The following IQCE variants were observed in gnomAD, a reference collection of about 807,000 sequenced individuals.
IQCE encodes IQ domain-containing protein E.
Under a neutral mutation model 96.0 loss-of-function variants are expected in IQCE, and 115 were observed. The observed-to-expected ratio is 1.20, with a 90% CI of 1.03 to 1.40. IQCE has a LOEUF of 1.40. Among genes scored for constraint, IQCE ranks in the 40% most tolerant of loss-of-function variants. IQCE has a pLI of 0.00. For missense variants in IQCE, 1,041 were observed against 909.1 expected, an observed-to-expected ratio of 1.15 and a Z score of -1.87; for synonymous variants, 412 against 371.2, an observed-to-expected ratio of 1.11 and a Z score of -1.26.
At chr7:2,559,964 G>C (rs1780817372) in intron 1 of IQCE, among the ~76,000 whole-genome samples, 1 of 152,042 alleles carries the variant, frequency 6.6e-6, no homozygotes, top group Admixed American at 6.6e-5. Flanking sequence ...TTCCAGACCA[G>C]CCTGGGCAAC....
At chr7:2,598,756 T>A in intron 17 of IQCE, 124 bp downstream of exon 17, 1 of 809,452 alleles carries the variant, frequency 1.2e-6, no homozygotes, top group Non-Finnish European at 1.7e-6. Flanking sequence ...CTGAGCACCG[T>A]AACATACAGA....
chr7:2,591,929 G>A (rs1006884314), intron 14 of IQCE, among the ~76,000 whole-genome samples: 2 of 139,476 alleles, frequency 1.4e-5, no homozygotes, highest in Non-Finnish European at 1.6e-5. Flanking sequence ...GGCCTGCCTC[G>A]GCCTCCCAAA....
chr7:2,587,693 C>T (rs1047834252), intron 12 of IQCE, 129 bp from the exon 13 acceptor site: 26 of 865,598 alleles, frequency 3.0e-5, no homozygotes, highest in South Asian at 2.2e-4. Flanking sequence ...CAGGACCTGT[C>T]GGTGTGGCTC....
chr7:2,578,320 G>T lies in IQCE; in HGVS notation c.544G>T (p.Asp182Tyr). 6.2e-7 allele frequency: 1 copy of T among 1,614,044 alleles called. No individual in the cohort carries two copies. Among genetic ancestry groups the T allele is most frequent in the Non-Finnish European group, 8.5e-7 (1 of 1,179,986 alleles). ...RRLEEENSRK[D>Y]RQIEQLLDPS... is the part of the protein sequence containing the mutation. ...CCTGGAGGAGGAAAACAGCAGGAAG[G>T]ACCGGCAGATAGAGCAGCTCCTGGA... is the stretch of plus-strand genomic sequence containing the variant. The change falls in exon 7 of 22, where the codon GAC becomes TAC. Residue 182 changes from aspartate (D) to tyrosine (Y), a missense_variant. Physicochemically the swap from Asp to Tyr is radical, Grantham distance 160 (BLOSUM62 -3). Transcript: ENST00000402050.
Position 2,578,770 on chromosome 7 carries a change from C to T in IQCE, c.630+244C>T, listed in dbSNP as rs951973340. Reference sequence around the variant, plus strand: ...ACCCATCACAACGGGCGACTTCCCCCTCACACCTGAGAAAATACATTAAGC... The same window carrying T: ...ACCCATCACAACGGGCGACTTCCCCTTCACACCTGAGAAAATACATTAAGC... On this transcript the variant is annotated intron_variant, in intron 8 of 21. Coordinates refer to ENST00000402050, the MANE Select transcript of IQCE (RefSeq NM_152558.5). Among the ~76,000 whole-genome samples, 23 of 152,212 alleles carry T rather than the reference C, an allele frequency of 1.5e-4. 1 individual carries two copies. Among genetic ancestry groups the T allele is most frequent in the Admixed American group, 1.0e-3 (16 of 15,284 alleles).
Position 2,596,601 on chromosome 7 carries a change from T to C in IQCE, c.1440+1625T>C, listed in dbSNP as rs1297624338. Among the ~76,000 whole-genome samples, 3 of 152,204 alleles carry C rather than the reference T, an allele frequency of 2.0e-5. No individual in the cohort carries two copies. The East Asian group carries it at 5.8e-4, about 29-fold the overall frequency. On this transcript the variant is annotated intron_variant, in intron 16 of 21. Coordinates refer to ENST00000402050, the MANE Select transcript of IQCE (RefSeq NM_152558.5). ...TGGGAATGATTAATTGTAGGTTAAA[T>C]GGAGTGAGGAGAGTCGGTTTAAGAG...
At position 2,594,922 on chromosome 7, in the gene IQCE, AT is replaced by A; in HGVS notation, c.1388del (p.Leu463CysfsTer4). ...IQTLTSKLQELQEMKKEEKED... is the reference protein window; with the variant it reads ...IQTLTSKLQEXQEMKKEEKED... ...AGACACTTACCAGCAAGCTCCAAGA[AT>A]TGCAAGAAATGAAGAAAGAAGAGAA... On this transcript the variant is annotated frameshift_variant, in exon 16 of 22. Transcript: ENST00000402050. LOFTEE classifies it high-confidence loss of function. 6 of 1,614,052 alleles carry A rather than the reference AT, an allele frequency of 3.7e-6. No individual in the cohort carries two copies. Among genetic ancestry groups the A allele is most frequent in the Non-Finnish European group, 5.1e-6 (6 of 1,179,880 alleles).
intron 1 of IQCE, among the ~76,000 whole-genome samples, chr7:2,561,712 C>G (rs957154666): frequency 6.6e-6 from 1 of 152,180 alleles, no homozygotes; most frequent in East Asian, 1.9e-4. Context: ...TGAGCCACCA[C>G]GTCCGGCCTT....
intron 16 of IQCE, chr7:2,597,243 A>G (rs1383162651): frequency 2.4e-6 from 1 of 413,784 alleles, no homozygotes; most frequent in African/African-American, 2.1e-5. Context: ...CTGGGTGATT[A>G]AGGCTGAGAA....
At chr7:2,572,386 C>A (rs1012809391) in intron 5 of IQCE, 60 bp downstream of exon 5, 28 of 1,555,294 alleles carry the variant, frequency 1.8e-5, no homozygotes, top group Non-Finnish European at 2.3e-5. Context: ...AAAGGACAGT[C>A]TCTGGGCTGG....
Position 2,611,110 on chromosome 7 carries a change from T to TGGCTGGGCTGGGCTG in IQCE, c.*967_*981dup, listed in dbSNP as rs578216019. 10 of 36,606 alleles carry TGGCTGGGCTGGGCTG rather than the reference T, an allele frequency of 2.7e-4. No individual in the cohort carries two copies. The highest frequency in any genetic ancestry group is 4.5e-4 in the Non-Finnish European group (8 of 17,846). 2.3% of individuals were successfully genotyped at this position (36,606 alleles called of 1,614,324 possible). On this transcript the variant is annotated 3_prime_UTR_variant, in exon 22 of 22. Coordinates refer to ENST00000402050, the MANE Select transcript of IQCE (RefSeq NM_152558.5). Reference sequence around the variant, plus strand: ...GCGGCCTCTGCACTCCCAAGCTCCATGGCTGGGCTGGGCTGGGCTGGGCTG... The same window carrying TGGCTGGGCTGGGCTG: ...GCGGCCTCTGCACTCCCAAGCTCCATGGCTGGGCTGGGCTGGGCTGGGCTGGGCTGGGCTGGGCTG...
chr7:2,576,999 G>C (rs1023846322), intron 6 of IQCE, among the ~76,000 whole-genome samples: 1 of 152,158 alleles, frequency 6.6e-6, no homozygotes, highest in Non-Finnish European at 1.5e-5. Flanking sequence ...TTGGTATCTA[G>C]GGTGGGACCG....
At chr7:2,597,860 G>T (rs1466221804) in intron 16 of IQCE, among the ~76,000 whole-genome samples, 2 of 151,986 alleles carry the variant, frequency 1.3e-5, no homozygotes, top group Non-Finnish European at 2.9e-5. Context: ...TAGAGATGGG[G>T]TCTCGCTATG....
chr7:2,604,867 T>C lies in IQCE; in HGVS notation c.1633-14T>C. ...TCACACCCACTTTTCTCTCCCTGCT[T>C]CCTTCCCTGACAGGCGGCTGTGGTG... On this transcript the variant is annotated splice_polypyrimidine_tract_variant and intron_variant, in intron 18 of 21. Transcript: ENST00000402050. 1 of 1,607,224 alleles carries C rather than the reference T, an allele frequency of 6.2e-7. No individual in the cohort carries two copies. The highest frequency in any genetic ancestry group is 8.5e-7 in the Non-Finnish European group (1 of 1,174,394).
chr7:2,588,515 G>A (rs6945682), intron 13 of IQCE, among the ~76,000 whole-genome samples: 2,849 of 148,944 alleles, frequency 0.019, 99 homozygotes, highest in African/African-American at 0.067. Flanking sequence ...CACCACACCC[G>A]GGTAATTTTT....
chr7:2,601,903 T>C (rs1228707116), intron 18 of IQCE: 1 of 176,944 alleles, frequency 5.7e-6, no homozygotes, highest in Non-Finnish European at 1.2e-5. Context: ...ATAAAATACA[T>C]GAGAAATAGA....
chr7:2,564,393 G>C (rs1162085626), intron 1 of IQCE, among the ~76,000 whole-genome samples: 1 of 150,884 alleles, frequency 6.6e-6, no homozygotes, highest in Admixed American at 6.6e-5. Flanking sequence ...TCAGGAGTTT[G>C]AGACCAGCCT....
chr7:2,584,220 A>T lies in IQCE; in HGVS notation c.775-16A>T. ...CTAGCCTTGTGTTTTCATGCATTTC[A>T]ATTTGGTATTTACAGGTGCATCGTC... is the stretch of plus-strand genomic sequence containing the variant. On this transcript the variant is annotated splice_polypyrimidine_tract_variant and intron_variant, in intron 10 of 21. Transcript: ENST00000402050. The T allele has an allele frequency of 6.2e-7, 1 of 1,611,742 alleles. No individual in the cohort carries two copies. The highest frequency in any genetic ancestry group is 8.5e-7 in the Non-Finnish European group (1 of 1,177,880).
chr7:2,586,035 C>T (rs60489482), intron 11 of IQCE, among the ~76,000 whole-genome samples, 173 bp from the exon 12 acceptor site: 14 of 152,146 alleles, frequency 9.2e-5, no homozygotes, highest in Non-Finnish European at 1.6e-4. Flanking sequence ...TAACATTTTG[C>T]TTATTTAGAG....
Sources: allele counts gnomAD v4.1 joint callset (sites outside exome capture counted in the v4.1 genomes callset), GRCh38; gene constraint gnomAD v4.1.1; transcripts MANE v1.5; gene names NCBI Gene and HGNC (gene_info 2026-07-23, HGNC 2026-07-21).